Variants in TULP4 observed in about 807,000 individuals in gnomAD.
TULP4 encodes the protein tubby-related protein 4.
A neutral mutation model predicts 129.0 loss-of-function variants in TULP4; 16 were observed. The ratio of observed to expected loss-of-function variants is 0.12; its 90% CI spans 0.08 to 0.19. The LOEUF is 0.19. TULP4 is among the 10% of genes least tolerant of loss of function. The pLI is 1.00. For missense variants in TULP4, 1,842 were observed against 2,059.1 expected (o/e 0.89, Z 2.04); for synonymous variants, 998 against 854.0 (o/e 1.17, Z -2.94).
intron 1 of TULP4, among the ~76,000 whole-genome samples, chr6:158,243,903 T>G (rs1485199502): frequency 6.6e-6 from 1 of 151,280 alleles, no homozygotes; most frequent in East Asian, 1.9e-4. Flanking sequence ...TTCTCCTTTG[T>G]CAATTATTTG....
intron 3 of TULP4, among the ~76,000 whole-genome samples, chr6:158,432,041 T>C (rs1778640588): frequency 6.7e-6 from 1 of 150,158 alleles, no homozygotes; most frequent in South Asian, 2.1e-4. Context: ...GGAGGCTCAC[T>C]TGAGCCCAGG....
chr6:158,255,947 C>G (rs1484661836), intron 1 of TULP4, among the ~76,000 whole-genome samples: 4 of 152,108 alleles, frequency 2.6e-5, no homozygotes, highest in African/African-American at 9.7e-5. Context: ...GGGAGAGATC[C>G]CTTTTCTTGC....
chr6:158,442,496 G>A (rs565082610), intron 3 of TULP4, among the ~76,000 whole-genome samples: 2 of 151,952 alleles, frequency 1.3e-5, no homozygotes, highest in South Asian at 4.2e-4. Flanking sequence ...AACAGGCCAA[G>A]CAGATTCCAG....
intron 2 of TULP4, among the ~76,000 whole-genome samples, chr6:158,424,151 G>A (rs891468709): frequency 3.3e-5 from 5 of 152,110 alleles, no homozygotes; most frequent in Non-Finnish European, 7.3e-5. Context: ...TATCCATAGC[G>A]GATTGGTTCC....
intron 1 of TULP4, among the ~76,000 whole-genome samples, chr6:158,380,835 A>C (rs965025043): frequency 2.8e-5 from 4 of 144,910 alleles, no homozygotes; most frequent in African/African-American, 1.0e-4. Context: ...CAGAGGTTGC[A>C]GTGAGCCGAG....
chr6:158,248,452 G>C (rs1183037750), intron 1 of TULP4, among the ~76,000 whole-genome samples: 23 of 149,900 alleles, frequency 1.5e-4, no homozygotes, highest in Non-Finnish European at 3.0e-5. Flanking sequence ...TTGTATTTTA[G>C]TAGAGACGGG....
Position 158,241,528 on chromosome 6 carries a change from C to T in TULP4, n.68+9225C>T, listed in dbSNP as rs190286866. On this transcript the variant is annotated intron_variant and non_coding_transcript_variant, in intron 1 of 1. Coordinates refer to the TULP4 transcript ENST00000620026. ...GAGGCCAAGGCTGGCGGATCACTCG[C>T]GGTTAGGGGCTGGAGACCGCCCGGC... 3.8e-3 allele frequency among the ~76,000 whole-genome samples: 580 copies of T among 152,106 alleles called. 3 individuals are homozygous for T. The highest frequency in any genetic ancestry group is 0.013 in the African/African-American group (553 of 41,522).
chr6:158,461,634 G>A lies in TULP4; in HGVS notation c.931G>A (p.Gly311Ser). 6.2e-7 allele frequency: 1 copy of A among 1,614,046 alleles called. No individual in the cohort carries two copies. Among genetic ancestry groups the A allele is most frequent in the South Asian group, 1.1e-5 (1 of 91,054 alleles). The change falls in exon 6 of 14, where the codon GGT becomes AGT. Residue 311 changes from glycine (G) to serine (S), a missense_variant. Gly to Ser is a moderately conservative substitution (Grantham distance 56). Transcript: ENST00000367097. ...TGGGATGGAACGGCAGACCCAGCTT[G>A]GTGAGCTTCCCAATGGTCCCCTTCT... Reference protein sequence around the residue: ...VAGMERQTQLGELPNGPLLKS... With the variant: ...VAGMERQTQLSELPNGPLLKS...
chr6:158,476,010 A>G (rs948688985), intron 6 of TULP4, among the ~76,000 whole-genome samples: 1 of 152,234 alleles, frequency 6.6e-6, no homozygotes, highest in Non-Finnish European at 1.5e-5. Context: ...CCAAACAGTC[A>G]TCACAGTCAT....
intron 1 of TULP4, among the ~76,000 whole-genome samples, chr6:158,378,485 T>TTGTGG (rs1554285635): frequency 7.8e-5 from 4 of 51,412 alleles, no homozygotes; most frequent in East Asian, 4.9e-4. Flanking sequence ...TTTTTTTTTT[T>TTGTGG]GGTGGGGGTG....
chr6:158,274,522 G>A lies in TULP4; in HGVS notation n.69-37529G>A, dbSNP rs191835063. On this transcript the variant is annotated intron_variant and non_coding_transcript_variant, in intron 1 of 1. Transcript: ENST00000620026. ...CCGGGCGCAGTGGCTCACGCCTGTA[G>A]TCCCAGCACTTTGGGAGGCCAAGGC... Among the ~76,000 whole-genome samples, 553 of 151,368 alleles carry A rather than the reference G, an allele frequency of 3.7e-3. 4 individuals are homozygous for A. The highest frequency in any genetic ancestry group is 0.024 in the Middle Eastern group (7 of 288).
chr6:158,479,984 C>A lies in TULP4; in HGVS notation c.1251+9C>A. The stretch of plus-strand genomic sequence containing the variant: ...TCATCCCCACCATCAAGGTAAAGCC[C>A]TCCACCCCTCCCTCTTCCTCCTCCC... On this transcript the variant is annotated intron_variant, in intron 7 of 13. Coordinates refer to ENST00000367097, the MANE Select transcript of TULP4 (RefSeq NM_020245.5). 6.3e-7 allele frequency: 1 copy of A among 1,581,246 alleles called. No individual in the cohort carries two copies. The highest frequency in any genetic ancestry group is 8.6e-7 in the Non-Finnish European group (1 of 1,160,824).
chr6:158,329,342 GTA>G (rs1388848061), intron 1 of TULP4, among the ~76,000 whole-genome samples: 1 of 151,238 alleles, frequency 6.6e-6, no homozygotes, highest in African/African-American at 2.4e-5. Flanking sequence ...TTTCCTCCCT[GTA>G]TATAATCCCT....
intron 1 of TULP4, among the ~76,000 whole-genome samples, chr6:158,406,542 G>T (rs1222383554): frequency 6.6e-6 from 1 of 152,192 alleles, no homozygotes; most frequent in African/African-American, 2.4e-5. Flanking sequence ...GTCATAGGGG[G>T]TACTATTCCA....
At chr6:158,364,796 G>A (rs1780884802) in intron 1 of TULP4, among the ~76,000 whole-genome samples, 1 of 152,110 alleles carries the variant, frequency 6.6e-6, no homozygotes, top group Non-Finnish European at 1.5e-5. Context: ...GAGTGCAGTG[G>A]CGTGATCTTG....
chr6:158,350,491 G>A (rs943909529), intron 1 of TULP4, among the ~76,000 whole-genome samples: 6 of 152,298 alleles, frequency 3.9e-5, no homozygotes, highest in African/African-American at 1.2e-4. Context: ...TCGGGAGGCC[G>A]AGGCAGGCAG....
chr6:158,237,188 ATG>A, intron 1 of TULP4: 1 of 664,810 alleles, frequency 1.5e-6, no homozygotes, highest in South Asian at 1.9e-5. Context: ...TTTGAGGAAG[ATG>A]TTTTCCATTT....
intron 1 of TULP4, among the ~76,000 whole-genome samples, chr6:158,388,328 T>TTTCTC (rs1777501066): frequency 3.9e-5 from 5 of 127,392 alleles, no homozygotes; most frequent in Non-Finnish European, 8.3e-5. Flanking sequence ...TTTTCTTTTT[T>TTTCTC]TTTTTTTTTT....
intron 7 of TULP4, 39 bp downstream of exon 7, chr6:158,480,014 C>G: frequency 6.7e-7 from 1 of 1,491,078 alleles, no homozygotes; most frequent in Non-Finnish European, 9.2e-7. Flanking sequence ...CCTCCCTCAC[C>G]TGTGCTGGCT....
Sources: gnomAD v4.1 joint callset for allele counts (sites outside exome capture counted in the v4.1 genomes callset) on GRCh38, gnomAD v4.1.1 for gene constraint, MANE v1.5 for transcripts, NCBI Gene and HGNC (gene_info 2026-07-23, HGNC 2026-07-21) for gene names.